GPC6: variants seen among roughly 807,000 people sequenced by gnomAD.
GPC6 encodes glypican 6.
A neutral mutation model predicts 55.2 loss-of-function variants in GPC6; 14 were observed. The observed-to-expected ratio is 0.25, with a 90% CI of 0.17 to 0.40. The LOEUF (loss-of-function observed/expected upper bound fraction) is 0.40. GPC6 is among the 10% of genes least tolerant of loss of function. GPC6 has a pLI of 1.00. For synonymous variants in GPC6, 278 were observed against 259.6 expected (o/e 1.07, Z -0.68); for missense variants, 641 against 708.5 (o/e 0.90, Z 1.08).
intron 4 of GPC6, among the ~76,000 whole-genome samples, chr13:94,217,176 A>G (rs1363580760): frequency 6.6e-6 from 1 of 152,232 alleles, no homozygotes; most frequent in East Asian, 1.9e-4. Flanking sequence ...AGGGGACAGA[A>G]TAACAAGTGG....
intron 4 of GPC6, among the ~76,000 whole-genome samples, chr13:94,211,731 G>C (rs879721865): frequency 3.3e-5 from 5 of 152,126 alleles, no homozygotes; most frequent in Non-Finnish European, 5.9e-5. Context: ...CTTAAGCTTT[G>C]GCTTAAAGAC....
intron 1 of GPC6, among the ~76,000 whole-genome samples, chr13:93,331,648 TTTG>T (rs1879852392): frequency 6.6e-6 from 1 of 152,262 alleles, no homozygotes; most frequent in Non-Finnish European, 1.5e-5. Flanking sequence ...TTTTCTGTCA[TTTG>T]TTGTTAAATT....
At chr13:93,316,017 G>T (rs1879235504) in intron 1 of GPC6, among the ~76,000 whole-genome samples, 1 of 151,920 alleles carries the variant, frequency 6.6e-6, no homozygotes, top group African/African-American at 2.4e-5. Context: ...TTTCACAGGG[G>T]TGTTCTCCTG....
chr13:93,461,067 T>G (rs1047654637), intron 1 of GPC6, among the ~76,000 whole-genome samples: 2 of 152,194 alleles, frequency 1.3e-5, no homozygotes, highest in African/African-American at 4.8e-5. Flanking sequence ...AGTGGTGGAT[T>G]CAAAGCCATA....
chr13:94,401,564 A>G (rs572904430), intron 8 of GPC6, among the ~76,000 whole-genome samples: 160 of 152,220 alleles, frequency 1.1e-3, no homozygotes, highest in African/African-American at 3.6e-3. Context: ...TGTTTCTGTC[A>G]AGGGCCGTAT....
intron 2 of GPC6, among the ~76,000 whole-genome samples, chr13:93,694,287 T>C (rs1323941496): frequency 6.6e-6 from 1 of 152,188 alleles, no homozygotes; most frequent in Non-Finnish European, 1.5e-5. Context: ...ATAGAGCCCA[T>C]GAGGCTTGCC....
At chr13:94,051,529 G>A (rs748707456) in intron 4 of GPC6, among the ~76,000 whole-genome samples, 10 of 152,088 alleles carry the variant, frequency 6.6e-5, no homozygotes, top group African/African-American at 2.2e-4. Flanking sequence ...AGCACTTTAC[G>A]AGAGTATGTA....
At chr13:93,617,786 AT>A (rs1462350151) in intron 2 of GPC6, among the ~76,000 whole-genome samples, 1 of 152,132 alleles carries the variant, frequency 6.6e-6, no homozygotes, top group East Asian at 1.9e-4. Flanking sequence ...AGAATACTCT[AT>A]AACCTATTTG....
chr13:93,390,455 A>G (rs182066775), intron 1 of GPC6, among the ~76,000 whole-genome samples: 10 of 152,280 alleles, frequency 6.6e-5, no homozygotes, highest in Admixed American at 1.3e-4. Context: ...AGTGTACTCT[A>G]GAGACCCAGC....
At chr13:93,577,021 A>G (rs950782190) in intron 2 of GPC6, among the ~76,000 whole-genome samples, 3 of 152,138 alleles carry the variant, frequency 2.0e-5, no homozygotes, top group Admixed American at 2.0e-4. Flanking sequence ...GCCAGGCACA[A>G]TGGGACATGT....
chr13:93,664,306 C>G (rs918842110), intron 2 of GPC6, among the ~76,000 whole-genome samples: 2 of 151,998 alleles, frequency 1.3e-5, no homozygotes, highest in Admixed American at 1.3e-4. Context: ...TTTTAAAAAG[C>G]CCGTTAGCTG....
At chr13:93,339,541 T>C (rs979265824) in intron 1 of GPC6, among the ~76,000 whole-genome samples, 2 of 152,076 alleles carry the variant, frequency 1.3e-5, no homozygotes, top group African/African-American at 4.8e-5. Context: ...ACTTAGTCAA[T>C]AATTGTTGAA....
intron 1 of GPC6, among the ~76,000 whole-genome samples, chr13:93,336,624 G>A (rs1348584870): frequency 1.3e-5 from 2 of 152,160 alleles, no homozygotes; most frequent in Non-Finnish European, 2.9e-5. Context: ...TAAAAAGGAA[G>A]CTCTGTTAGG....
chr13:94,241,882 GA>G (rs1173634130), intron 4 of GPC6, among the ~76,000 whole-genome samples: 2 of 151,396 alleles, frequency 1.3e-5, no homozygotes, highest in Non-Finnish European at 2.9e-5. Context: ...TTTGCTTCCT[GA>G]ATTTCTTTTT....
intron 4 of GPC6, among the ~76,000 whole-genome samples, chr13:94,035,775 T>C (rs1041641167): frequency 5.9e-5 from 9 of 152,064 alleles, no homozygotes; most frequent in Non-Finnish European, 1.3e-4. Flanking sequence ...TTTTCTGACA[T>C]AGTATTTACT....
intron 2 of GPC6, among the ~76,000 whole-genome samples, chr13:93,566,606 TG>T (rs568923249): frequency 4.6e-5 from 7 of 152,128 alleles, no homozygotes; most frequent in Admixed American, 3.9e-4. Context: ...GGGATACATG[TG>T]CAGAACATGC....
intron 1 of GPC6, among the ~76,000 whole-genome samples, chr13:93,354,350 T>TTTTTTTTTG (rs1555293303): frequency 1.3e-3 from 3 of 2,330 alleles, no homozygotes; most frequent in Non-Finnish European, 3.0e-3. Flanking sequence ...CGTTGGTAGA[T>TTTTTTTTTG]TTTTTTTTTT....
chr13:93,348,934 T>G (rs1880523456), intron 1 of GPC6, among the ~76,000 whole-genome samples: 1 of 152,204 alleles, frequency 6.6e-6, no homozygotes, highest in Non-Finnish European at 1.5e-5. Flanking sequence ...CATAGGTCAC[T>G]AATGTTACCA....
chr13:93,334,185 A>G (rs976029252), intron 1 of GPC6, among the ~76,000 whole-genome samples: 38 of 152,098 alleles, frequency 2.5e-4, no homozygotes, highest in Admixed American at 2.0e-4. Flanking sequence ...AAGTTTTCTT[A>G]TATATGCCTG....
Sources: allele counts gnomAD v4.1 joint callset (sites outside exome capture counted in the v4.1 genomes callset), GRCh38; gene constraint gnomAD v4.1.1; transcripts MANE v1.5; gene names NCBI Gene and HGNC (gene_info 2026-07-23, HGNC 2026-07-21).